Variants in PRELID2 observed in about 807,000 individuals in gnomAD.
The protein encoded by PRELID2 is PRELI domain-containing protein 2.
PRELID2 carries 25 observed loss-of-function variants against 28.4 expected under a neutral mutation model. That is an observed-to-expected ratio of 0.88 (90% confidence interval 0.64 to 1.23). The LOEUF (loss-of-function observed/expected upper bound fraction) is 1.23. Among genes scored for constraint, PRELID2 ranks in the 50% most tolerant of loss-of-function variants. The probability of loss-of-function intolerance (pLI) is 0.00; values close to 1 mark genes in which losing one functional copy is unlikely to be tolerated. For synonymous variants in PRELID2, 76 were observed against 71.6 expected (o/e 1.06, Z -0.31); for missense variants, 201 against 214.4 (o/e 0.94, Z 0.39).
chr5:145,796,730 C>T (rs1752778151), intron 4 of PRELID2, among the ~76,000 whole-genome samples, 183 bp from the exon 5 acceptor site: 1 of 152,034 alleles, frequency 6.6e-6, no homozygotes, highest in African/African-American at 2.4e-5. Flanking sequence ...ATAATATTAA[C>T]AGTCTTATTC....
the PRELID2 span, among the ~76,000 whole-genome samples, chr5:145,270,322 A>G: frequency 1.6e-4 from 25 of 152,166 alleles, no homozygotes; most frequent in Non-Finnish European, 2.9e-4. Flanking sequence ...AACTAGAAGC[A>G]TTCAGGTGTG....
At chr5:145,361,420 A>G in the PRELID2 span, among the ~76,000 whole-genome samples, 3 of 152,302 alleles carry the variant, frequency 2.0e-5, no homozygotes, top group South Asian at 4.1e-4. Context: ...GCCTGCCTCT[A>G]TGGTATCTTC....
the PRELID2 span, among the ~76,000 whole-genome samples, chr5:145,323,179 GA>G: frequency 9.6e-3 from 1,371 of 142,934 alleles, 1 homozygote; most frequent in Middle Eastern, 0.018. Context: ...CAGCAGAGGG[GA>G]AAAAAAAAAA....
intron 1 of PRELID2, among the ~76,000 whole-genome samples, chr5:145,667,147 G>A (rs1392991589): frequency 6.6e-6 from 1 of 151,992 alleles, no homozygotes; most frequent in Non-Finnish European, 1.5e-5. Context: ...GTCACTCATG[G>A]CTAATCTGGA....
intron 5 of PRELID2, among the ~76,000 whole-genome samples, chr5:145,783,505 A>T (rs1751770469): frequency 6.6e-6 from 1 of 152,242 alleles, no homozygotes; most frequent in Non-Finnish European, 1.5e-5. Context: ...TGGTCTAGAA[A>T]TAAGCTGTTA....
chr5:145,556,004 C>A (rs978173050), intron 1 of PRELID2, among the ~76,000 whole-genome samples: 5 of 151,656 alleles, frequency 3.3e-5, no homozygotes, highest in African/African-American at 9.7e-5. Flanking sequence ...ACAGTGAAAC[C>A]CCGTCTCTAC....
chr5:145,247,253 A>C, the PRELID2 span, among the ~76,000 whole-genome samples: 1 of 152,026 alleles, frequency 6.6e-6, no homozygotes, highest in African/African-American at 2.4e-5. Flanking sequence ...CCGAGCCCCT[A>C]CTCACCAAAT....
intron 1 of PRELID2, among the ~76,000 whole-genome samples, chr5:145,596,436 G>C (rs115505767): frequency 1.2e-3 from 177 of 152,192 alleles, no homozygotes; most frequent in African/African-American, 4.0e-3. Flanking sequence ...GGTTCTACTA[G>C]ACGAAAAATC....
chr5:145,825,103 G>A lies in PRELID2; in HGVS notation c.76-1969C>T, dbSNP rs542157084. On this transcript the variant is annotated intron_variant, in intron 1 of 6. Transcript: ENST00000683046. Reference sequence around the variant, plus strand: ...TAGCCAGATGTGGTGGTGCATGCCTGTAGTCCCAGCTACTCAGGATGCTGA... The same window carrying A: ...TAGCCAGATGTGGTGGTGCATGCCTATAGTCCCAGCTACTCAGGATGCTGA... Among the ~76,000 whole-genome samples the A allele has an allele frequency of 4.6e-5, 7 of 151,770 alleles. No individual in the cohort carries two copies. The East Asian group carries it at 5.8e-4, about 13-fold the overall frequency.
chr5:145,629,636 C>T (rs903811195), intron 1 of PRELID2, among the ~76,000 whole-genome samples: 1 of 152,118 alleles, frequency 6.6e-6, no homozygotes, highest in African/African-American at 2.4e-5. Context: ...GAGGAATTAT[C>T]TAAACTTGAT....
intron 1 of PRELID2, among the ~76,000 whole-genome samples, chr5:145,657,193 A>G (rs56063484): frequency 0.048 from 7,297 of 152,306 alleles, 564 homozygotes; most frequent in African/African-American, 0.16. Context: ...CTCAGCATGC[A>G]TGCAAGGATT....
the PRELID2 span, among the ~76,000 whole-genome samples, chr5:145,241,053 C>G: frequency 6.6e-6 from 1 of 151,978 alleles, no homozygotes; most frequent in Non-Finnish European, 1.5e-5. Context: ...GTATCAATCT[C>G]TTAGGGTTGT....
intron 5 of PRELID2, among the ~76,000 whole-genome samples, chr5:145,775,815 T>G (rs1758372335): frequency 6.6e-6 from 1 of 152,202 alleles, no homozygotes; most frequent in African/African-American, 2.4e-5. Flanking sequence ...CTCCTCATCC[T>G]TTGCACTACC....
At chr5:145,575,215 C>A (rs555649636) in intron 1 of PRELID2, among the ~76,000 whole-genome samples, 1 of 152,136 alleles carries the variant, frequency 6.6e-6, no homozygotes, top group Non-Finnish European at 1.5e-5. Context: ...TGTCTTGAAC[C>A]CCTACACTTT....
At chr5:145,647,181 T>C (rs1754211395) in intron 1 of PRELID2, among the ~76,000 whole-genome samples, 1 of 152,190 alleles carries the variant, frequency 6.6e-6, no homozygotes, top group African/African-American at 2.4e-5. Context: ...AAGTGCCGAC[T>C]GGGGCTGCTG....
the PRELID2 span, among the ~76,000 whole-genome samples, chr5:145,382,875 T>C: frequency 6.6e-6 from 1 of 151,782 alleles, no homozygotes; most frequent in Non-Finnish European, 1.5e-5. Flanking sequence ...AATTTGAAAT[T>C]TTAAAAATAA....
At chr5:145,612,836 C>T (rs947956045) in intron 1 of PRELID2, among the ~76,000 whole-genome samples, 1 of 152,170 alleles carries the variant, frequency 6.6e-6, no homozygotes, top group South Asian at 2.1e-4. Flanking sequence ...ATACATACCA[C>T]AGTTTCTTTA....
intron 1 of PRELID2, among the ~76,000 whole-genome samples, chr5:145,561,740 T>G (rs376060844): frequency 6.6e-6 from 1 of 152,226 alleles, no homozygotes; most frequent in African/African-American, 2.4e-5. Context: ...CACCTTGAAC[T>G]GAGACCACCA....
In PRELID2 at chr5:145,648,729, T is replaced by C. The variant is rs144462945; in HGVS notation, n.70+116202A>G. Reference sequence around the variant, plus strand: ...AATACTTGATTATTACATTTTAAAATACTTCTGCAATATCCTTTACTCTTT... The same window carrying C: ...AATACTTGATTATTACATTTTAAAACACTTCTGCAATATCCTTTACTCTTT... On this transcript the variant is annotated intron_variant and non_coding_transcript_variant, in intron 1 of 2. Transcript: ENST00000510259. Among the ~76,000 whole-genome samples, 181 of 150,600 alleles carry C rather than the reference T, an allele frequency of 1.2e-3. 1 individual carries two copies. The highest frequency in any genetic ancestry group is 2.8e-3 in the Admixed American group (42 of 15,110).
Sources: gnomAD v4.1 joint callset for allele counts (sites outside exome capture counted in the v4.1 genomes callset) on GRCh38, gnomAD v4.1.1 for gene constraint, MANE v1.5 for transcripts, NCBI Gene and HGNC (gene_info 2026-07-23, HGNC 2026-07-21) for gene names.